NKTR: variants seen among roughly 807,000 people sequenced by gnomAD.
NKTR encodes natural killer cell triggering receptor, also known as NK-tumor recognition protein.
In NKTR, 67 loss-of-function variants were observed where a neutral mutation model predicts 156.3. That is an observed-to-expected ratio of 0.43 (90% CI 0.35 to 0.53). The LOEUF is 0.53. Ranked by LOEUF, NKTR falls within the 20% of genes least tolerant of loss-of-function variation. The probability of loss-of-function intolerance (pLI) is 0.01; values close to 1 mark genes in which losing one functional copy is unlikely to be tolerated. For synonymous variants in NKTR, 640 were observed against 596.6 expected, an observed-to-expected ratio of 1.07 and a Z score of -1.06; for missense variants, 1,604 against 1,730.9, an observed-to-expected ratio of 0.93 and a Z score of 1.30.
intron 2 of NKTR, among the ~76,000 whole-genome samples, chr3:42,608,072 C>T (rs1054895768): frequency 4.8e-5 from 7 of 144,958 alleles, no homozygotes; most frequent in Non-Finnish European, 1.0e-4. Flanking sequence ...TCACTGCAAC[C>T]TCCGCCTCCC....
At chr3:42,631,366 G>A in intron 8 of NKTR, 50 bp downstream of exon 8, 1 of 1,593,018 alleles carries the variant, frequency 6.3e-7, no homozygotes, top group Non-Finnish European at 8.6e-7. Flanking sequence ...GTAAAGCATT[G>A]CTGAAGACTG....
intron 13 of NKTR, among the ~76,000 whole-genome samples, chr3:42,641,234 G>A (rs1002132253): frequency 6.6e-6 from 1 of 152,208 alleles, no homozygotes; most frequent in Admixed American, 6.5e-5. Context: ...TCACCTCACA[G>A]GGTCTGGCTT....
intron 8 of NKTR, 75 bp from the exon 9 acceptor site, chr3:42,632,526 C>T: frequency 3.6e-6 from 3 of 823,896 alleles, no homozygotes; most frequent in South Asian, 1.8e-5. Context: ...TTATGATATT[C>T]AGTAATCACA....
At chr3:42,620,085 C>T in intron 5 of NKTR, 2 of 1,528,194 alleles carry the variant, frequency 1.3e-6, no homozygotes, top group Non-Finnish European at 1.8e-6. Flanking sequence ...CAATTCTGTT[C>T]CCTTGCACCC....
intron 2 of NKTR, among the ~76,000 whole-genome samples, chr3:42,608,020 C>CTTTTTTTTTTTT (rs1188107179): frequency 3.1e-4 from 25 of 80,038 alleles, no homozygotes; most frequent in Middle Eastern, 9.6e-3. Flanking sequence ...TTTGAGTTTC[C>CTTTTTTTTTTTT]TTCTTGTCAC....
intron 2 of NKTR, among the ~76,000 whole-genome samples, chr3:42,615,635 G>A (rs1425299010): frequency 6.6e-6 from 1 of 151,986 alleles, no homozygotes; most frequent in Non-Finnish European, 1.5e-5. Context: ...CCTAAGAAAA[G>A]CCCTATGTTT....
At chr3:42,628,493 ACAGC>A in intron 6 of NKTR, 2 of 985,420 alleles carry the variant, frequency 2.0e-6, no homozygotes, top group South Asian at 9.4e-5. Flanking sequence ...AGTGGTTTTT[ACAGC>A]CTTTCTATCA....
chr3:42,617,687 T>A, intron 3 of NKTR, 43 bp downstream of exon 3: 1 of 1,044,150 alleles, frequency 9.6e-7, no homozygotes, highest in Non-Finnish European at 1.5e-6. Flanking sequence ...TGGCTTACAG[T>A]TTTACCTTGC....
intron 6 of NKTR, chr3:42,627,944 T>C: frequency 1.0e-6 from 1 of 985,318 alleles, no homozygotes; most frequent in Non-Finnish European, 1.2e-6. Flanking sequence ...CTCTGCCTCT[T>C]TTAGTAGAAT....
chr3:42,643,728 T>G (rs569701754), intron 15 of NKTR, 174 bp from the exon 16 acceptor site: 5 of 687,764 alleles, frequency 7.3e-6, no homozygotes, highest in African/African-American at 3.6e-5. Context: ...TTATGGTAAG[T>G]CTCATTTGGG....
At chr3:42,635,749 T>C (rs1397918758) in intron 12 of NKTR, among the ~76,000 whole-genome samples, 1 of 151,836 alleles carries the variant, frequency 6.6e-6, no homozygotes, top group Non-Finnish European at 1.5e-5. Context: ...CTACTAAAAA[T>C]ACAAAAAATT....
At chr3:42,632,218 C>T (rs1357308177) in intron 8 of NKTR, among the ~76,000 whole-genome samples, 1 of 151,856 alleles carries the variant, frequency 6.6e-6, no homozygotes, top group African/African-American at 2.4e-5. Flanking sequence ...TATAGGGATG[C>T]ACCACCATGC....
chr3:42,607,791 T>C (rs893036192), intron 2 of NKTR, among the ~76,000 whole-genome samples: 2 of 151,800 alleles, frequency 1.3e-5, no homozygotes, highest in Non-Finnish European at 2.9e-5. Flanking sequence ...TATGGATTAT[T>C]ATGAGGAGTT....
chr3:42,636,817 G>A (rs748215749), intron 12 of NKTR, 51 bp from the exon 13 acceptor site: 47 of 1,516,018 alleles, frequency 3.1e-5, no homozygotes, highest in Admixed American at 4.7e-5. Flanking sequence ...GTCTTAAGGT[G>A]TAGAAAACAT....
intron 2 of NKTR, among the ~76,000 whole-genome samples, chr3:42,610,710 G>T (rs1052897771): frequency 2.0e-5 from 3 of 151,600 alleles, no homozygotes; most frequent in Admixed American, 2.0e-4. Flanking sequence ...GGCATATGGG[G>T]TTTTAAATTT....
chr3:42,616,824 A>AT (rs1477266490), intron 2 of NKTR, among the ~76,000 whole-genome samples: 2 of 152,198 alleles, frequency 1.3e-5, no homozygotes, highest in African/African-American at 2.4e-5. Context: ...TCACTGCATG[A>AT]TCATAGCTCA....
At chr3:42,615,642 G>A (rs866168558) in intron 2 of NKTR, among the ~76,000 whole-genome samples, 3 of 152,042 alleles carry the variant, frequency 2.0e-5, no homozygotes, top group Admixed American at 6.5e-5. Context: ...AAAGCCCTAT[G>A]TTTTGATTAT....
chr3:42,612,756 G>A (rs1347285628), intron 2 of NKTR, among the ~76,000 whole-genome samples: 2 of 152,130 alleles, frequency 1.3e-5, no homozygotes, highest in African/African-American at 4.8e-5. Flanking sequence ...TCTCCAGTTT[G>A]TAATATAAGG....
chr3:42,645,952 A>T lies in NKTR; in HGVS notation c.4366A>T (p.Ser1456Cys). The T allele has an allele frequency of 6.2e-7, 1 of 1,613,288 alleles. No individual in the cohort carries two copies. The highest frequency in any genetic ancestry group is 1.1e-5 in the South Asian group (1 of 91,040). Residue 1456 changes from serine (S) to cysteine (C), a missense_variant, in exon 17 of 17, where the codon AGT (serine) becomes TGT (cysteine). Physicochemically the swap from Ser to Cys is moderately radical, Grantham distance 112. Around this residue, in one of 6 missense-constraint regions of NKTR, gnomAD observed 193 missense variants for 220.2 expected, o/e 0.88. Transcript: ENST00000232978. ...DRSYSHHRSP[S>C]ESSRYS is the part of the protein sequence containing the mutation. ...AAGTTACTCTCATCACCGGAGCCCC[A>T]GTGAGAGCAGCAGATACAGTTGAAA...
Sources: gnomAD v4.1 joint callset for allele counts (sites outside exome capture counted in the v4.1 genomes callset) on GRCh38, gnomAD v4.1.1 for gene constraint, gnomAD v4.1.1 regional missense constraint, MANE v1.5 for transcripts, NCBI Gene and HGNC (gene_info 2026-07-23, HGNC 2026-07-21) for gene names.